The following RAD51AP2 variants were observed in gnomAD, a reference collection of about 807,000 sequenced individuals.
RAD51AP2 encodes the protein RAD51-associated protein 2.
A neutral mutation model predicts 85.5 loss-of-function variants in RAD51AP2; 67 were observed. That is an observed-to-expected ratio of 0.78 (90% CI 0.64 to 0.96). The LOEUF (loss-of-function observed/expected upper bound fraction) is 0.96, where lower values mean the gene tolerates loss of function less well. Among genes scored for constraint, RAD51AP2 ranks in the 40% least tolerant of loss-of-function variants. The pLI is 0.00. For missense variants in RAD51AP2, 1,307 were observed against 1,332.4 expected (o/e 0.98, Z 0.30); for synonymous variants, 474 against 446.5 (o/e 1.06, Z -0.78).
Position 17,515,617 on chromosome 2 carries a change from A to G in RAD51AP2, c.2799T>C (p.Thr933=). 2.5e-6 allele frequency: 4 copies of G among 1,611,714 alleles called. No individual in the cohort carries two copies. Among genetic ancestry groups the G allele is most frequent in the Non-Finnish European group, 3.4e-6 (4 of 1,179,054 alleles). The change falls in exon 1 of 3, where the codon ACT becomes ACC. Residue 933 remains threonine (T), a synonymous_variant. Transcript: ENST00000399080. The part of the protein sequence containing the change: ...SALYINHQFE[T]GLSEGNDECF... ...ATTCATCATTCCCTTCACTCAGACC[A>G]GTTTCAAATTGATGATTAATATATA...
chr2:17,526,389 C>G, the RAD51AP2 span, among the ~76,000 whole-genome samples: 3 of 151,914 alleles, frequency 2.0e-5, no homozygotes, highest in Non-Finnish European at 2.9e-5. Context: ...GTTGGATATC[C>G]TTCTGCTTGC....
At chr2:17,513,951 A>C in intron 2 of RAD51AP2, 61 bp downstream of exon 2, 1 of 914,994 alleles carries the variant, frequency 1.1e-6, no homozygotes, top group East Asian at 2.5e-5. Flanking sequence ...TCCTCATACT[A>C]AAAATACCAT....
the RAD51AP2 span, among the ~76,000 whole-genome samples, chr2:17,528,914 A>G: frequency 2.0e-5 from 3 of 152,306 alleles, no homozygotes; most frequent in Admixed American, 2.0e-4. Context: ...ACCAGTACCT[A>G]AGAAAGAATA....
the RAD51AP2 span, among the ~76,000 whole-genome samples, chr2:17,528,438 A>G: frequency 6.6e-6 from 1 of 152,206 alleles, no homozygotes; most frequent in Non-Finnish European, 1.5e-5. Context: ...ATAAAAATAT[A>G]TATGGCATTT....
chr2:17,519,819 C>T (rs956421873), upstream of RAD51AP2, among the ~76,000 whole-genome samples: 2 of 152,156 alleles, frequency 1.3e-5, no homozygotes, highest in South Asian at 4.1e-4. Flanking sequence ...AGATTTTCCA[C>T]AAATCTATAT....
Position 17,516,788 on chromosome 2 carries a change from C to T in RAD51AP2, c.1628G>A (p.Gly543Asp). 2 of 1,552,322 alleles carry T rather than the reference C, an allele frequency of 1.3e-6. No individual in the cohort carries two copies. The highest frequency in any genetic ancestry group is 1.4e-5 in the African/African-American group (1 of 72,474). ...CNILKCKKQIGIIGIQNLITR... is the reference protein window; with the variant it reads ...CNILKCKKQIDIIGIQNLITR... ...TATTAGATTTTGAATACCAATTATA[C>T]CAATTTGCTTTTTACACTTCAAAAT... Residue 543 changes from glycine (G) to aspartate (D), a missense_variant, in exon 1 of 3, where the codon GGT becomes GAT. By Grantham distance (94) the Gly-to-Asp change is moderately conservative. Transcript: ENST00000399080.
At chr2:17,526,972 A>C in the RAD51AP2 span, among the ~76,000 whole-genome samples, 1 of 152,056 alleles carries the variant, frequency 6.6e-6, no homozygotes, top group Admixed American at 6.6e-5. Flanking sequence ...TTTTATTTTG[A>C]TTTTTTTCTG....
chr2:17,531,849 A>T, the RAD51AP2 span, among the ~76,000 whole-genome samples: 2 of 152,246 alleles, frequency 1.3e-5, no homozygotes, highest in Non-Finnish European at 2.9e-5. Flanking sequence ...AGAATTTCTT[A>T]GATGCCCAAT....
the RAD51AP2 span, among the ~76,000 whole-genome samples, chr2:17,529,265 A>G: frequency 6.8e-6 from 1 of 147,800 alleles, no homozygotes; most frequent in Non-Finnish European, 1.5e-5. Context: ...TAAAAAATAA[A>G]TAAATAAATT....
At chr2:17,518,455 C>A (rs766878633), upstream of RAD51AP2, 2 of 1,580,324 alleles carry the variant, frequency 1.3e-6, no homozygotes, top group East Asian at 4.5e-5. Flanking sequence ...CCCGGCGGGG[C>A]TCCAATCCCT....
chr2:17,518,812 C>G (rs62130422), upstream of RAD51AP2, among the ~76,000 whole-genome samples: 3,678 of 152,068 alleles, frequency 0.024, 45 homozygotes, highest in Middle Eastern at 0.054. Context: ...ATGGTAACAA[C>G]TTTATTTTCT....
the RAD51AP2 span, among the ~76,000 whole-genome samples, chr2:17,535,348 T>C: frequency 2.0e-5 from 3 of 152,188 alleles, no homozygotes. Flanking sequence ...GATGGGGCTC[T>C]CAAGAGCCAG....
At chr2:17,515,097 C>A in intron 1 of RAD51AP2, 72 bp downstream of exon 1, 2 of 1,190,224 alleles carry the variant, frequency 1.7e-6, no homozygotes, top group Admixed American at 2.8e-5. Context: ...CAAAATTATA[C>A]ATTTGGCCTA....
the RAD51AP2 span, among the ~76,000 whole-genome samples, chr2:17,530,110 C>G: frequency 6.6e-6 from 1 of 152,188 alleles, no homozygotes; most frequent in Admixed American, 6.5e-5. Context: ...AAATTCTCTT[C>G]TCTCTGGAGA....
upstream of RAD51AP2, among the ~76,000 whole-genome samples, chr2:17,522,767 T>C (rs565084159): frequency 6.6e-6 from 1 of 152,118 alleles, no homozygotes; most frequent in African/African-American, 2.4e-5. Context: ...TGTCTTTTTT[T>C]AATCATATAA....
the RAD51AP2 span, among the ~76,000 whole-genome samples, chr2:17,526,954 G>C: frequency 6.6e-6 from 1 of 151,964 alleles, no homozygotes; most frequent in Non-Finnish European, 1.5e-5. Flanking sequence ...CAAAATTCAG[G>C]CTTTTTGTTT....
In RAD51AP2 at chr2:17,518,435, C is replaced by T; in HGVS notation, c.-20G>A. 2 of 1,599,432 alleles carry T rather than the reference C, an allele frequency of 1.3e-6. No homozygotes were observed. The highest frequency in any genetic ancestry group is 2.2e-5 in the South Asian group (2 of 88,940). On this transcript the variant is annotated 5_prime_UTR_variant, in exon 1 of 3. Transcript: ENST00000399080. ...AGACATGACAGCGAATGGAAAGGATCTGTCCGAGTCCCGGCGGGGCTCCAA... is the reference window on the plus strand; with the variant it reads ...AGACATGACAGCGAATGGAAAGGATTTGTCCGAGTCCCGGCGGGGCTCCAA...
At chr2:17,512,603 T>C (rs1662523471) in intron 2 of RAD51AP2, among the ~76,000 whole-genome samples, 2 of 152,246 alleles carry the variant, frequency 1.3e-5, no homozygotes, top group South Asian at 2.1e-4. Flanking sequence ...ATATCCATTT[T>C]ATTATCACAA....
chr2:17,515,945 A>G lies in RAD51AP2; in HGVS notation c.2471T>C (p.Ile824Thr), dbSNP rs374274149. ...AATTAAGTCATATTTTTTTTCTTCT[A>G]TTTCACTTAGCAAGTTCCAAAAATT... The part of the protein sequence containing the change: ...VLNFWNLLSE[I>T]EEKKYDLILK... The change falls in exon 1 of 3, where the codon ATA (isoleucine) becomes ACA (threonine). Residue 824 changes from isoleucine (I) to threonine (T), a missense_variant. Ile to Thr is a moderately conservative substitution (Grantham distance 89, BLOSUM62 -1). Transcript: ENST00000399080. 1.9e-6 allele frequency: 3 copies of G among 1,604,310 alleles called. No individual in the cohort carries two copies. The highest frequency in any genetic ancestry group is 1.4e-5 in the African/African-American group (1 of 74,028).
Sources: allele counts gnomAD v4.1 joint callset (sites outside exome capture counted in the v4.1 genomes callset), GRCh38; gene constraint gnomAD v4.1.1; transcripts MANE v1.5; gene names NCBI Gene and HGNC (gene_info 2026-07-23, HGNC 2026-07-21).